PDS5A: variants seen among roughly 807,000 people sequenced by gnomAD.
PDS5A encodes the protein PDS5 cohesin associated factor A.
PDS5A carries 42 observed loss-of-function variants against 167.1 expected under a neutral mutation model. That is an observed-to-expected ratio of 0.25 (90% confidence interval 0.20 to 0.33). The LOEUF is 0.33. Ranked by LOEUF, PDS5A falls within the 10% of genes least tolerant of loss-of-function variation. PDS5A has a pLI of 1.00. For missense variants in PDS5A, 1,033 were observed against 1,605.9 expected, an observed-to-expected ratio of 0.64 and a Z score of 6.10; for synonymous variants, 553 against 554.6, an observed-to-expected ratio of 1.00 and a Z score of 0.04.
At chr4:39,827,529 C>G (rs1715433496) in intron 32 of PDS5A, among the ~76,000 whole-genome samples, 1 of 152,102 alleles carries the variant, frequency 6.6e-6, no homozygotes, top group Non-Finnish European at 1.5e-5. Context: ...AAAAAAAATT[C>G]ATATTGAACT....
At chr4:39,885,057 GC>G (rs1334263158) in intron 17 of PDS5A, among the ~76,000 whole-genome samples, 2 of 152,104 alleles carry the variant, frequency 1.3e-5, no homozygotes, top group East Asian at 3.9e-4. Context: ...GAGCACAGGA[GC>G]TCGAGACCAG....
At chr4:39,917,500 CTG>C (rs1390418223) in intron 7 of PDS5A, among the ~76,000 whole-genome samples, 2 of 152,056 alleles carry the variant, frequency 1.3e-5, no homozygotes, top group African/African-American at 4.8e-5. Context: ...TTTAGACAGT[CTG>C]TGTAGTTCAT....
chr4:39,952,263 G>A (rs762191971), intron 2 of PDS5A, among the ~76,000 whole-genome samples: 9 of 151,964 alleles, frequency 5.9e-5, no homozygotes, highest in Non-Finnish European at 1.2e-4. Flanking sequence ...CCCGGGAAGC[G>A]GAGGTTGCAG....
chr4:39,880,611 T>TA (rs1039593780), intron 17 of PDS5A, among the ~76,000 whole-genome samples: 1 of 152,018 alleles, frequency 6.6e-6, no homozygotes, highest in Non-Finnish European at 1.5e-5. Flanking sequence ...AAGTATTCAT[T>TA]AAAAAAAATT....
At chr4:39,884,212 C>T (rs1327771213) in intron 17 of PDS5A, among the ~76,000 whole-genome samples, 1 of 152,190 alleles carries the variant, frequency 6.6e-6, no homozygotes, top group Non-Finnish European at 1.5e-5. Context: ...CACGCATGAG[C>T]CACCATGCCT....
Position 39,837,855 on chromosome 4 carries a change from C to G in PDS5A, c.4010+1G>C, listed in dbSNP as rs770943048. 6.2e-7 allele frequency: 1 copy of G among 1,603,068 alleles called. No individual in the cohort carries two copies. Among genetic ancestry groups the G allele is most frequent in the Non-Finnish European group, 8.5e-7 (1 of 1,174,522 alleles). On this transcript the variant is annotated splice_donor_variant, in intron 32 of 32. Transcript: ENST00000303538. LOFTEE classifies it high-confidence loss of function. The stretch of plus-strand genomic sequence containing the variant: ...ACTTGAGGAAGAATGGCGTACATTA[C>G]CTTTGTAAGTCAATTTGTCTTTCTG...
At chr4:39,926,686 AAC>A (rs1725500001) in intron 4 of PDS5A, 87 bp downstream of exon 4, 1 of 908,236 alleles carries the variant, frequency 1.1e-6, no homozygotes. Flanking sequence ...GAATAAAATA[AAC>A]ACTCATTTTA....
chr4:39,977,236 G>C lies in PDS5A; in HGVS notation c.-41+221C>G, dbSNP rs1348235260. ...AGCCCCACGCCAGGAAGCGGCTGAC[G>C]CGCCTCCGCACTTCACATTTTGTTC... is the stretch of plus-strand genomic sequence containing the variant. On this transcript the variant is annotated intron_variant, in intron 1 of 32. Coordinates refer to ENST00000303538, the MANE Select transcript of PDS5A (RefSeq NM_001100399.2). This position sits in a 1 kb window ranked among gnomAD's most constrained non-coding sequence, Gnocchi z 4.2. 6.6e-6 allele frequency among the ~76,000 whole-genome samples: 1 copy of C among 151,940 alleles called. No homozygotes were observed. Among genetic ancestry groups the C allele is most frequent in the Non-Finnish European group, 1.5e-5 (1 of 67,970 alleles).
At position 39,889,749 on chromosome 4, in the gene PDS5A, T is replaced by C. The variant is rs116586864; in HGVS notation, c.1886+500A>G. Reference sequence around the variant, plus strand: ...ACAAGATTTTATGCCCATATTAAAGTTGAAAATAAATGAAAATTCAAAGAC... The same window carrying C: ...ACAAGATTTTATGCCCATATTAAAGCTGAAAATAAATGAAAATTCAAAGAC... On this transcript the variant is annotated intron_variant, in intron 17 of 32. Coordinates refer to ENST00000303538, the MANE Select transcript of PDS5A (RefSeq NM_001100399.2). 6.4e-3 allele frequency among the ~76,000 whole-genome samples: 970 copies of C among 152,336 alleles called. 9 individuals are homozygous for C. The highest frequency in any genetic ancestry group is 0.022 in the African/African-American group (898 of 41,576).
chr4:39,939,943 A>G (rs1353219570), intron 2 of PDS5A, among the ~76,000 whole-genome samples: 1 of 152,196 alleles, frequency 6.6e-6, no homozygotes, highest in Admixed American at 6.6e-5. Context: ...TAAATAAAGT[A>G]AAAAATAAAT....
chr4:39,934,605 C>CA (rs1726396181), intron 2 of PDS5A, among the ~76,000 whole-genome samples: 1 of 109,212 alleles, frequency 9.2e-6, no homozygotes, highest in Non-Finnish European at 1.9e-5. Context: ...CTTAGTATTT[C>CA]TTTTTTTTTC....
intron 14 of PDS5A, 25 bp from the exon 15 acceptor site, chr4:39,898,850 GAAC>G (rs752369924): frequency 1.8e-5 from 27 of 1,524,420 alleles, no homozygotes; most frequent in South Asian, 1.1e-4. Flanking sequence ...AGAAACAAAA[GAAC>G]AACTAGTCAT....
rs986183232 is a variant in PDS5A, at chr4:39,977,845, T to C, written c.-429A>G. ...CCTCGCAGAGGCGCGCGCCCGGCCG[T>C]CCGTGCCCCGGGAGCCGGGGCCTCG... On this transcript the variant is annotated 5_prime_UTR_variant, in exon 1 of 33. Transcript: ENST00000303538. The surrounding 1 kb of genome is among the most constrained non-coding windows in gnomAD (Gnocchi z 4.2). 6.7e-6 allele frequency: 1 copy of C among 148,648 alleles called. No homozygotes were observed. Among genetic ancestry groups the C allele is most frequent in the African/African-American group, 2.4e-5 (1 of 41,012 alleles). The allele number at this position is 148,648 out of a possible 1,614,324, so 9.2% of individuals were successfully genotyped here. A position where few individuals can be genotyped will look rare whatever the true frequency, so the allele number is the denominator to read the frequency against.
At chr4:39,833,428 C>T (rs771502585) in intron 32 of PDS5A, among the ~76,000 whole-genome samples, 1 of 151,978 alleles carries the variant, frequency 6.6e-6, no homozygotes, top group Non-Finnish European at 1.5e-5. Flanking sequence ...GTCACCCAGG[C>T]TAGGGTGCAG....
intron 32 of PDS5A, 186 bp downstream of exon 32, chr4:39,837,670 C>A: frequency 2.1e-6 from 1 of 485,878 alleles, no homozygotes; most frequent in Non-Finnish European, 3.6e-6. Context: ...GATTTTTCTT[C>A]AAATTTGTGC....
intron 21 of PDS5A, among the ~76,000 whole-genome samples, chr4:39,871,072 C>A (rs537645502): frequency 2.0e-5 from 3 of 151,984 alleles, no homozygotes; most frequent in Admixed American, 6.6e-5. Context: ...CACAAAAGGA[C>A]AAATATCATA....
intron 17 of PDS5A, among the ~76,000 whole-genome samples, chr4:39,886,768 T>C (rs1237403529): frequency 1.3e-5 from 2 of 152,132 alleles, no homozygotes; most frequent in African/African-American, 2.4e-5. Flanking sequence ...GGAATATCTT[T>C]CCATTTTTTG....
chr4:39,869,891 G>A (rs776117488), intron 21 of PDS5A, among the ~76,000 whole-genome samples: 1 of 152,172 alleles, frequency 6.6e-6, no homozygotes, highest in Non-Finnish European at 1.5e-5. Context: ...TGGATCACTT[G>A]AGGTCAGGAG....
At chr4:39,930,246 A>AAAAAAAAAAAAAAATATTTTTTTTTTTT in intron 2 of PDS5A, among the ~76,000 whole-genome samples, 1 of 93,090 alleles carries the variant, frequency 1.1e-5, no homozygotes, top group Non-Finnish European at 2.2e-5. Context: ...AAAAAAAAAA[A>AAAAAAAAAAAAAAATATTTTTTTTTTTT]GTTTTTTTGT....
Sources: allele counts gnomAD v4.1 joint callset (sites outside exome capture counted in the v4.1 genomes callset), GRCh38; gene constraint gnomAD v4.1.1; non-coding constraint Gnocchi (gnomAD v3.1); transcripts MANE v1.5; gene names NCBI Gene and HGNC (gene_info 2026-07-23, HGNC 2026-07-21).